RBIS: variants seen among roughly 807,000 people sequenced by gnomAD.
RBIS encodes the protein ribosomal biogenesis factor.
RBIS carries 9 observed loss-of-function variants against 9.8 expected under a neutral mutation model. The observed-to-expected ratio is 0.92, with a 90% confidence interval of 0.56 to 1.61. The LOEUF (loss-of-function observed/expected upper bound fraction) is 1.61, where lower values mean the gene tolerates loss of function less well. Among genes scored for constraint, RBIS ranks in the 40% most tolerant of loss-of-function variants. The pLI is 0.00. For synonymous variants in RBIS, 35 were observed against 37.9 expected (o/e 0.92, Z 0.28); for missense variants, 103 against 116.0 (o/e 0.89, Z 0.51).
Position 85,214,560 on chromosome 8 carries a change from T to C in RBIS, c.303A>G (p.Ter101=), listed in dbSNP as rs1039547769. Reference sequence around the variant, plus strand: ...GAGAATTAGATGCATCACCAGTATATTACAACAGAGCCATTAATCTTGTAG... The same window carrying C: ...GAGAATTAGATGCATCACCAGTATACTACAACAGAGCCATTAATCTTGTAG... ...DEATRLMALL[*] Residue 101 remains the stop codon, a stop_retained_variant, in exon 4 of 4, where the codon TAA becomes TAG. Transcript: ENST00000619594. The C allele has an allele frequency of 1.3e-6, 2 of 1,544,066 alleles. No individual in the cohort carries two copies. Among genetic ancestry groups the C allele is most frequent in the African/African-American group, 1.4e-5 (1 of 73,522 alleles).
In RBIS at chr8:85,214,254, T is replaced by C. The variant is rs1161395259; in HGVS notation, c.*306A>G. ...TTTTACTGCCACTAAACTGCCTGTA[T>C]TTCTGTATGTCCTTCTATCCAAACA... On this transcript the variant is annotated 3_prime_UTR_variant, in exon 4 of 4. Coordinates refer to ENST00000619594, the MANE Select transcript of RBIS (RefSeq NM_001099673.3). 1.8e-6 allele frequency: 1 copy of C among 557,194 alleles called. No individual in the cohort carries two copies. Among genetic ancestry groups the C allele is most frequent in the African/African-American group, 1.9e-5 (1 of 53,776 alleles). The allele number at this position is 557,194 out of a possible 1,614,324, so 34.5% of individuals were successfully genotyped here.
rs767238372 is a variant in RBIS at position 85,214,563 on chromosome 8, C to T, written c.300G>A (p.Leu100=). The T allele has an allele frequency of 1.9e-6, 3 of 1,556,340 alleles. No individual in the cohort carries two copies. The highest frequency in any genetic ancestry group is 2.2e-5 in the East Asian group (1 of 44,516). ...AATTAGATGCATCACCAGTATATTA[C>T]AACAGAGCCATTAATCTTGTAGCTT... ...VDEATRLMAL[L] The change falls in exon 4 of 4, where the codon TTG becomes TTA. Residue 100 remains leucine (L), a synonymous_variant. Transcript: ENST00000619594.
chr8:85,214,226 T>C lies in RBIS; in HGVS notation c.*334A>G. On this transcript the variant is annotated 3_prime_UTR_variant, in exon 4 of 4. Transcript: ENST00000619594. ...GGCCAAGGACTCATTACTTGTCTTA[T>C]ATTTTTACTGCCACTAAACTGCCTG... The C allele has an allele frequency of 1.8e-6, 1 of 543,416 alleles. No homozygotes were observed. The highest frequency in any genetic ancestry group is 1.5e-5 in the South Asian group (1 of 64,946). 33.7% of individuals were successfully genotyped at this position (543,416 alleles called of 1,614,324 possible). A position where few individuals can be genotyped will look rare whatever the true frequency, so the allele number is the denominator to read the frequency against.
At chr8:85,218,121 A>G (rs1312385168) in intron 1 of RBIS, among the ~76,000 whole-genome samples, 1 of 152,244 alleles carries the variant, frequency 6.6e-6, no homozygotes, top group Non-Finnish European at 1.5e-5. Context: ...CATCTCTCAG[A>G]TCTGCCTTTA....
At chr8:85,217,290 A>T in intron 2 of RBIS, 96 bp downstream of exon 2, 2 of 786,804 alleles carry the variant, frequency 2.5e-6, no homozygotes, top group South Asian at 1.4e-5. Context: ...AAAAATGAAG[A>T]ACCTTTTTAA....
rs1489497000 is a variant in RBIS, at chr8:85,217,168, T to TA, written c.114+217dup. The TA allele has an allele frequency of 8.3e-5, 52 of 629,154 alleles. No individual in the cohort carries two copies. The African/African-American group carries it at 8.3e-4, about 10-fold the overall frequency. The allele number at this position is 629,154 out of a possible 1,614,324, so 39.0% of individuals were successfully genotyped here. ...AATTGAAGCTTCACACATTTGTAGT[T>TA]AAAATGTTTATTTCTTTTCAACATT... On this transcript the variant is annotated intron_variant, in intron 2 of 3. Coordinates refer to ENST00000619594, the MANE Select transcript of RBIS (RefSeq NM_001099673.3).
At position 85,214,488 on chromosome 8, in the gene RBIS, T is replaced by G; in HGVS notation, c.*72A>C. The G allele has an allele frequency of 9.2e-7, 1 of 1,092,300 alleles. No individual in the cohort carries two copies. Among genetic ancestry groups the G allele is most frequent in the Non-Finnish European group, 1.4e-6 (1 of 722,744 alleles). 67.7% of individuals were successfully genotyped at this position (1,092,300 alleles called of 1,614,324 possible). ...GCCAATGCCTGTACATTAACAAGATTTTTAAAAATAAAATTGTATAAAACA... is the reference window on the plus strand; with the variant it reads ...GCCAATGCCTGTACATTAACAAGATGTTTAAAAATAAAATTGTATAAAACA... On this transcript the variant is annotated 3_prime_UTR_variant, in exon 4 of 4. Transcript: ENST00000619594.
At chr8:85,216,209 A>C (rs979674382) in intron 2 of RBIS, 1 of 152,346 alleles carries the variant, frequency 6.6e-6, no homozygotes, top group Non-Finnish European at 1.5e-5. Context: ...CCCTTCTAAC[A>C]TAACAATACG....
Position 85,214,579 on chromosome 8 carries a change from CT to C in RBIS, c.283del (p.Arg95AspfsTer2), listed in dbSNP as rs774272223. 1.1e-5 allele frequency: 18 copies of C among 1,576,134 alleles called. No homozygotes were observed. The highest frequency in any genetic ancestry group is 1.5e-5 in the Non-Finnish European group (17 of 1,146,056). ...AGTATATTACAACAGAGCCATTAAT[CT>C]TGTAGCTTCATCAACATTAACTGGT... The part of the protein sequence containing the change: ...SKPVNVDEAT[R>X]LMALL On this transcript the variant is annotated frameshift_variant, in exon 4 of 4. Transcript: ENST00000619594. LOFTEE classifies it high-confidence loss of function.
intron 1 of RBIS, chr8:85,219,138 C>T (rs1038771609): frequency 6.6e-6 from 1 of 152,212 alleles, no homozygotes; most frequent in African/African-American, 2.4e-5. Flanking sequence ...CTAAATCTGC[C>T]ACACATATCT....
Position 85,214,691 on chromosome 8 carries a change from T to C in RBIS, c.232-60A>G, listed in dbSNP as rs1488484116. 6 of 1,017,572 alleles carry C rather than the reference T, an allele frequency of 5.9e-6. 1 individual carries two copies. Among genetic ancestry groups the C allele is most frequent in the Admixed American group, 3.7e-5 (2 of 53,686 alleles). 63.0% of individuals were successfully genotyped at this position (1,017,572 alleles called of 1,614,324 possible). ...ACAACAATAGCAGACAAATGACTTA[T>C]ATAAGCTGTTATTCAATTTAATTTT... On this transcript the variant is annotated intron_variant, in intron 3 of 3. Coordinates refer to ENST00000619594, the MANE Select transcript of RBIS (RefSeq NM_001099673.3).
chr8:85,218,471 G>C (rs1050433459), intron 1 of RBIS, among the ~76,000 whole-genome samples: 1 of 152,022 alleles, frequency 6.6e-6, no homozygotes, highest in Non-Finnish European at 1.5e-5. Flanking sequence ...CTGGATTACT[G>C]CTGAAGTCCC....
chr8:85,219,139 A>C (rs529489138), intron 1 of RBIS: 2 of 152,364 alleles, frequency 1.3e-5, no homozygotes, highest in South Asian at 4.1e-4. Context: ...TAAATCTGCC[A>C]CACATATCTC....
intron 1 of RBIS, chr8:85,218,632 A>AGAG (rs1375330911): frequency 7.2e-5 from 11 of 152,158 alleles, no homozygotes; most frequent in African/African-American, 2.7e-4. Context: ...AGGCGAAGGC[A>AGAG]GAGACCAGCC....
intron 2 of RBIS, 143 bp from the exon 3 acceptor site, chr8:85,215,180 T>TA (rs1474891803): frequency 2.3e-5 from 10 of 442,220 alleles, no homozygotes; most frequent in Non-Finnish European, 4.0e-5. Context: ...CTTATAGTCT[T>TA]ATTGGGAAAT....
In RBIS at chr8:85,217,467, G is replaced by A; in HGVS notation, c.33C>T (p.Ser11=). 1.9e-6 allele frequency: 3 copies of A among 1,611,870 alleles called. No homozygotes were observed. The highest frequency in any genetic ancestry group is 1.7e-6 in the Non-Finnish European group (2 of 1,179,364). The change falls in exon 2 of 4, where the codon TCC becomes TCT. Residue 11 remains serine (S), a synonymous_variant. Coordinates refer to ENST00000619594, the MANE Select transcript of RBIS (RefSeq NM_001099673.3). ...GGCTGGCTATGTGAAATACATTCCT[G>A]GACTTCGGCCCTCTTAATTTGTTCT... MAKNKLRGPK[S]RNVFHIASQK...
At position 85,217,366 on chromosome 8, in the gene RBIS, A is replaced by G. The variant is rs762326842; in HGVS notation, c.114+20T>C. The G allele has an allele frequency of 3.8e-6, 5 of 1,314,662 alleles. No homozygotes were observed. Among genetic ancestry groups the G allele is most frequent in the Non-Finnish European group, 5.5e-6 (5 of 906,988 alleles). 81.4% of individuals were successfully genotyped at this position (1,314,662 alleles called of 1,614,324 possible). A position where few individuals can be genotyped will look rare whatever the true frequency, so the allele number is the denominator to read the frequency against. ...CTTTGCTTGTAAACAATAAAGTCAG[A>G]GTGCTTAACTAATACTCACCTTCTT... On this transcript the variant is annotated intron_variant, in intron 2 of 3. Transcript: ENST00000619594.
At chr8:85,215,061 A>C (rs952365828) in intron 2 of RBIS, 24 bp from the exon 3 acceptor site, 1 of 963,766 alleles carries the variant, frequency 1.0e-6, no homozygotes, top group Non-Finnish European at 1.6e-6. Context: ...AAAAAGCATT[A>C]ATCTATGATC....
Position 85,214,271 on chromosome 8 carries a change from A to C in RBIS, c.*289T>G, listed in dbSNP as rs1255849041. The C allele has an allele frequency of 1.8e-6, 1 of 566,142 alleles. No individual in the cohort carries two copies. The highest frequency in any genetic ancestry group is 3.3e-6 in the Non-Finnish European group (1 of 305,768). 35.1% of individuals were successfully genotyped at this position (566,142 alleles called of 1,614,324 possible). A position where few individuals can be genotyped will look rare whatever the true frequency, so the allele number is the denominator to read the frequency against. On this transcript the variant is annotated 3_prime_UTR_variant, in exon 4 of 4. Transcript: ENST00000619594. ...TGCCTGTATTTCTGTATGTCCTTCTATCCAAACAGACGTTCACTGCCACTT... is the reference window on the plus strand; with the variant it reads ...TGCCTGTATTTCTGTATGTCCTTCTCTCCAAACAGACGTTCACTGCCACTT...
Sources: allele counts gnomAD v4.1 joint callset (sites outside exome capture counted in the v4.1 genomes callset), GRCh38; gene constraint gnomAD v4.1.1; transcripts MANE v1.5; gene names NCBI Gene and HGNC (gene_info 2026-07-23, HGNC 2026-07-21).